MRPS11: variants seen among roughly 807,000 people sequenced by gnomAD.
MRPS11 encodes mitochondrial ribosomal protein S11.
In MRPS11, 27 loss-of-function variants were observed where a neutral mutation model predicts 24.3. The ratio of observed to expected loss-of-function variants is 1.11; its 90% CI spans 0.82 to 1.53. The LOEUF is 1.53. Ranked by LOEUF, MRPS11 falls within the 40% of genes most tolerant of loss-of-function variation. The pLI is 0.00. For synonymous variants in MRPS11, 104 were observed against 98.7 expected, an observed-to-expected ratio of 1.05 and a Z score of -0.32; for missense variants, 277 against 256.5, an observed-to-expected ratio of 1.08 and a Z score of -0.55.
rs748134570 is a variant in MRPS11 at position 88,472,731 on chromosome 15, T to A, written c.281+6T>A. On this transcript the variant is annotated splice_donor_region_variant and intron_variant, in intron 3 of 5. Coordinates refer to ENST00000325844, the MANE Select transcript of MRPS11 (RefSeq NM_022839.5). Reference sequence around the variant, plus strand: ...ATTAAAGCATCCCACAACAAGTAAGTGGGAAGGGAAACACTGGGCAGGTCT... The same window carrying A: ...ATTAAAGCATCCCACAACAAGTAAGAGGGAAGGGAAACACTGGGCAGGTCT... The A allele has an allele frequency of 4.4e-6, 7 of 1,608,828 alleles. No homozygotes were observed. Among genetic ancestry groups the A allele is most frequent in the Non-Finnish European group, 6.0e-6 (7 of 1,175,882 alleles).
chr15:88,471,064 C>G (rs2055689666), intron 2 of MRPS11, among the ~76,000 whole-genome samples: 1 of 152,172 alleles, frequency 6.6e-6, no homozygotes, highest in South Asian at 2.1e-4. Flanking sequence ...GCTGTGGGCA[C>G]AGATGTTCAG....
rs1365501939 is a variant in MRPS11 at position 88,469,367 on chromosome 15, C to T, written c.182+1343C>T. Among the ~76,000 whole-genome samples the T allele has an allele frequency of 6.6e-6, 1 of 152,226 alleles. No homozygotes were observed. The highest frequency in any genetic ancestry group is 1.5e-5 in the Non-Finnish European group (1 of 68,044). ...GTCATTTCTTCAACAATGCCAGGCA[C>T]TGTTCAGAGTGTTGGGGATATATCC... is the stretch of plus-strand genomic sequence containing the variant. On this transcript the variant is annotated intron_variant, in intron 2 of 5. Coordinates refer to ENST00000325844, the MANE Select transcript of MRPS11 (RefSeq NM_022839.5). The surrounding 1 kb of genome is among the most constrained non-coding windows in gnomAD (Gnocchi z 4.4).
At chr15:88,474,353 A>C (rs559291203) in intron 3 of MRPS11, among the ~76,000 whole-genome samples, 1 of 152,294 alleles carries the variant, frequency 6.6e-6, no homozygotes, top group African/African-American at 2.4e-5. Flanking sequence ...TGAGGTCGGG[A>C]GTTCAAGACC....
chr15:88,475,233 A>G lies in MRPS11; in HGVS notation c.405A>G (p.Ala135=). The G allele has an allele frequency of 3.1e-6, 5 of 1,614,148 alleles. No homozygotes were observed. The highest frequency in any genetic ancestry group is 1.3e-5 in the African/African-American group (1 of 75,070). The change falls in exon 4 of 6, where the codon GCA becomes GCG. Residue 135 remains alanine, a synonymous_variant. Transcript: ENST00000325844. The surrounding 1 kb of genome is among the most constrained non-coding windows in gnomAD (Gnocchi z 4.1). ...CAGCACAGACAGCAGGCATAGCCGC[A>G]GCGGCGGTAAGTGTGTGTTCCTTCT... ...GIAAQTAGIA[A]AARAKQKGVI...
intron 4 of MRPS11, among the ~76,000 whole-genome samples, chr15:88,476,425 T>C (rs1243914445): frequency 6.6e-6 from 1 of 152,210 alleles, no homozygotes; most frequent in Non-Finnish European, 1.5e-5. Context: ...ATTGATTGCA[T>C]GTACTATCAT....
chr15:88,476,523 T>C (rs1490334775), intron 4 of MRPS11, among the ~76,000 whole-genome samples: 1 of 152,228 alleles, frequency 6.6e-6, no homozygotes, highest in Non-Finnish European at 1.5e-5. Flanking sequence ...GGCTTCTGCA[T>C]GGTGAGTCAT....
At chr15:88,473,379 T>C (rs1567045166) in intron 3 of MRPS11, among the ~76,000 whole-genome samples, 1 of 152,200 alleles carries the variant, frequency 6.6e-6, no homozygotes, top group Non-Finnish European at 1.5e-5. Flanking sequence ...ATGAGATCAG[T>C]ATTTGGTCAC....
intron 2 of MRPS11, among the ~76,000 whole-genome samples, chr15:88,470,294 G>A (rs1208865383): frequency 3.9e-5 from 6 of 152,154 alleles, no homozygotes; most frequent in Admixed American, 3.9e-4. Context: ...CAGCCTGGAC[G>A]AGACTCCATC....
At position 88,478,597 on chromosome 15, in the gene MRPS11, C is replaced by G. The variant is rs1246648674; in HGVS notation, c.*618C>G. ...TTTCTACAAGTGGACAGTCAAACTC[C>G]CCACACTAAAGTGGCAGTCATCGTT... On this transcript the variant is annotated 3_prime_UTR_variant, in exon 6 of 6. Coordinates refer to ENST00000325844, the MANE Select transcript of MRPS11 (RefSeq NM_022839.5). This position sits in a 1 kb window ranked among gnomAD's most constrained non-coding sequence, Gnocchi z 4.7. The G allele has an allele frequency of 6.5e-6, 1 of 153,902 alleles. No individual in the cohort carries two copies. The highest frequency in any genetic ancestry group is 1.4e-5 in the Non-Finnish European group (1 of 69,360). 9.5% of individuals were successfully genotyped at this position (153,902 alleles called of 1,614,324 possible).
Position 88,476,806 on chromosome 15 carries a change from CAA to C in MRPS11, c.412-181_412-180del, listed in dbSNP as rs1166610878. On this transcript the variant is annotated intron_variant, in intron 4 of 5. Transcript: ENST00000325844. ...CAGTCACGTGAATTCTGCAACCTGC[CAA>C]ATTCTGTGGTCTCTGCTGGCGCCTG... 3 of 597,976 alleles carry C rather than the reference CAA, an allele frequency of 5.0e-6. No individual in the cohort carries two copies. In the East Asian group the frequency reaches 8.5e-5, roughly 17 times the overall value. The allele number at this position is 597,976 out of a possible 1,614,324, so 37.0% of individuals were successfully genotyped here.
intron 3 of MRPS11, 124 bp from the exon 4 acceptor site, chr15:88,474,986 G>A: frequency 8.7e-7 from 1 of 1,145,602 alleles, no homozygotes; most frequent in Non-Finnish European, 1.2e-6. Flanking sequence ...CATCTGAGAA[G>A]CTCAAAGTAG....
In MRPS11 at chr15:88,477,969, G is replaced by A. The variant is rs139450964; in HGVS notation, c.575G>A (p.Arg192Gln). The A allele has an allele frequency of 1.4e-4, 218 of 1,614,106 alleles. 1 individual carries two copies. In the East Asian group the frequency reaches 2.9e-3, roughly 21 times the overall value. ...AACGGCTGCCGCCCCAGGAAGGCTC[G>A]GAAGCTGTGATGGGAAGGAGGCCTG... ...PHNGCRPRKARKL is the reference protein window; with the variant it reads ...PHNGCRPRKAQKL The change falls in exon 6 of 6, where the codon CGG becomes CAG. Residue 192 changes from arginine to glutamine, a missense_variant. Coordinates refer to ENST00000325844, the MANE Select transcript of MRPS11 (RefSeq NM_022839.5). This position sits in a 1 kb window ranked among gnomAD's most constrained non-coding sequence, Gnocchi z 5.7.
Position 88,475,349 on chromosome 15 carries a change from C to G in MRPS11, c.411+110C>G. 6.7e-7 allele frequency: 1 copy of G among 1,482,348 alleles called. No homozygotes were observed. Among genetic ancestry groups the G allele is most frequent in the South Asian group, 1.3e-5 (1 of 78,076 alleles). The allele number at this position is 1,482,348 out of a possible 1,614,324, so 91.8% of individuals were successfully genotyped here. ...TACCCATTCAGAAGCAAGGGTTTGTCATGGCAGCTTTGATGCCCTGATTGG... is the reference window on the plus strand; with the variant it reads ...TACCCATTCAGAAGCAAGGGTTTGTGATGGCAGCTTTGATGCCCTGATTGG... On this transcript the variant is annotated intron_variant, in intron 4 of 5. Coordinates refer to ENST00000325844, the MANE Select transcript of MRPS11 (RefSeq NM_022839.5). This position sits in a 1 kb window ranked among gnomAD's most constrained non-coding sequence, Gnocchi z 4.1.
chr15:88,477,781 G>A lies in MRPS11; in HGVS notation c.478-91G>A, dbSNP rs907489650. 4.4e-5 allele frequency: 48 copies of A among 1,100,538 alleles called. No individual in the cohort carries two copies. Among genetic ancestry groups the A allele is most frequent in the East Asian group, 3.5e-4 (14 of 39,648 alleles). 68.2% of individuals were successfully genotyped at this position (1,100,538 alleles called of 1,614,324 possible). On this transcript the variant is annotated intron_variant, in intron 5 of 5. Transcript: ENST00000325844. The surrounding 1 kb of genome is among the most constrained non-coding windows in gnomAD (Gnocchi z 5.7). ...CTCACCCCTCCGTTCCCTTCTCTAC[G>A]CCACCCTGTCCCTCTCCGAACCCTG...
Position 88,475,066 on chromosome 15 carries a change from C to A in MRPS11, c.282-44C>A, listed in dbSNP as rs896911288. On this transcript the variant is annotated intron_variant, in intron 3 of 5. Coordinates refer to ENST00000325844, the MANE Select transcript of MRPS11 (RefSeq NM_022839.5). This position sits in a 1 kb window ranked among gnomAD's most constrained non-coding sequence, Gnocchi z 4.1. ...CATAGATTAGCTCTCTCTTATTTCC[C>A]TGAAGAAGAGTTGTATCCTATGTGC... 3.1e-6 allele frequency: 5 copies of A among 1,606,678 alleles called. No individual in the cohort carries two copies. The African/African-American group carries it at 6.7e-5, about 22-fold the overall frequency.
At position 88,467,998 on chromosome 15, in the gene MRPS11, C is replaced by T. The variant is rs1186725832; in HGVS notation, c.156C>T (p.Asn52=). 2 of 1,607,072 alleles carry T rather than the reference C, an allele frequency of 1.2e-6. No homozygotes were observed. The highest frequency in any genetic ancestry group is 1.7e-6 in the Non-Finnish European group (2 of 1,177,188). ...CGGCCAAGCAGAAAGTTGAACAGAA[C>T]GCGGCTCCCAGCCACACCAAGTTCA... The part of the protein sequence containing the change: ...DAAAKQKVEQ[N]AAPSHTKFSI... Residue 52 remains asparagine (N), a synonymous_variant, in exon 2 of 6, where the codon AAC becomes AAT. Transcript: ENST00000325844.
rs1412603724 is a variant in MRPS11 at position 88,469,080 on chromosome 15, A to G, written c.182+1056A>G. ...AATCAGGCAAGACCATGGAGAAAAG[A>G]ACATGGAGCTCAGAAGTGAATGGGA... On this transcript the variant is annotated intron_variant, in intron 2 of 5. Transcript: ENST00000325844. This position sits in a 1 kb window ranked among gnomAD's most constrained non-coding sequence, Gnocchi z 4.4. 1 of 152,180 alleles carries G rather than the reference A, an allele frequency of 6.6e-6. No individual in the cohort carries two copies. Among genetic ancestry groups the G allele is most frequent in the African/African-American group, 2.4e-5 (1 of 41,434 alleles). 9.4% of individuals were successfully genotyped at this position (152,180 alleles called of 1,614,324 possible). A position where few individuals can be genotyped will look rare whatever the true frequency, so the allele number is the denominator to read the frequency against.
intron 3 of MRPS11, among the ~76,000 whole-genome samples, chr15:88,473,261 G>T (rs2055753598): frequency 6.6e-6 from 1 of 152,214 alleles, no homozygotes; most frequent in African/African-American, 2.4e-5. Context: ...TAGTGTTCTT[G>T]TGTGGCTTAC....
At chr15:88,471,096 C>T (rs2055690787) in intron 2 of MRPS11, among the ~76,000 whole-genome samples, 1 of 152,164 alleles carries the variant, frequency 6.6e-6, no homozygotes, top group Non-Finnish European at 1.5e-5. Context: ...GGGAGAAAGT[C>T]TGATTGCTTC....
Sources: allele counts gnomAD v4.1 joint callset (sites outside exome capture counted in the v4.1 genomes callset), GRCh38; gene constraint gnomAD v4.1.1; non-coding constraint Gnocchi (gnomAD v3.1); transcripts MANE v1.5; gene names NCBI Gene and HGNC (gene_info 2026-07-23, HGNC 2026-07-21).